Variants in ECRG4 observed in about 807,000 individuals in gnomAD.
ECRG4 encodes ECRG4 augurin precursor.
Under a neutral mutation model 15.8 loss-of-function variants are expected in ECRG4, and 18 were observed. That is an observed-to-expected ratio of 1.14 (90% confidence interval 0.79 to 1.69). The LOEUF is 1.69. Among genes scored for constraint, ECRG4 ranks in the 40% most tolerant of loss-of-function variants. ECRG4 has a pLI of 0.00. For synonymous variants in ECRG4, 82 were observed against 73.9 expected, an observed-to-expected ratio of 1.11 and a Z score of -0.56; for missense variants, 200 against 190.9, an observed-to-expected ratio of 1.05 and a Z score of -0.28.
chr2:106,074,815 G>A (rs1212096418), intron 3 of ECRG4, among the ~76,000 whole-genome samples: 2 of 152,208 alleles, frequency 1.3e-5, no homozygotes, highest in Non-Finnish European at 2.9e-5. Context: ...CAAATGGGCA[G>A]TTGGATGTGT....
chr2:106,072,011 A>C, intron 2 of ECRG4, 120 bp downstream of exon 2: 1 of 782,442 alleles, frequency 1.3e-6, no homozygotes, highest in Admixed American at 2.2e-5. Context: ...ACTCCTTAAA[A>C]GGTTAGCAGA....
At chr2:106,065,390 T>A (rs528534389), upstream of ECRG4, among the ~76,000 whole-genome samples, 6 of 152,258 alleles carry the variant, frequency 3.9e-5, no homozygotes, top group South Asian at 1.0e-3. Flanking sequence ...CTTCTCCCGA[T>A]GCCTTCTGCC....
At chr2:106,076,666 T>C (rs1171351828) in intron 3 of ECRG4, among the ~76,000 whole-genome samples, 1 of 152,192 alleles carries the variant, frequency 6.6e-6, no homozygotes, top group East Asian at 1.9e-4. Context: ...ATTGGCAGTC[T>C]TGTTAAAATA....
intron 3 of ECRG4, among the ~76,000 whole-genome samples, chr2:106,074,843 T>C (rs1676452477): frequency 2.0e-5 from 3 of 152,192 alleles, no homozygotes; most frequent in Non-Finnish European, 4.4e-5. Context: ...AATGGGCACA[T>C]GATTCATTTA....
At chr2:106,070,871 G>GACTC (rs773164871) in intron 1 of ECRG4, 6 of 470,052 alleles carry the variant, frequency 1.3e-5, no homozygotes, top group African/African-American at 1.0e-4. Context: ...CCTGGGGCCT[G>GACTC]ACTCCAGTTC....
intron 1 of ECRG4, 76 bp downstream of exon 1, chr2:106,065,919 G>A (rs983617679): frequency 6.1e-6 from 8 of 1,301,072 alleles, no homozygotes; most frequent in Non-Finnish European, 8.1e-6. Flanking sequence ...TGGTGCCCGG[G>A]GAGAGCGATC....
intron 1 of ECRG4, among the ~76,000 whole-genome samples, chr2:106,069,725 C>T (rs1573360025): frequency 2.0e-5 from 3 of 152,338 alleles, no homozygotes; most frequent in Middle Eastern, 6.8e-3. Context: ...TCTCTGGACA[C>T]TCTCCTTTGA....
rs1410545269 is a variant in ECRG4, at chr2:106,070,882, C to T, written c.80-962C>T. 6.4e-6 allele frequency: 3 copies of T among 470,968 alleles called. No individual in the cohort carries two copies. In the Admixed American group the frequency reaches 7.0e-5, roughly 11 times the overall value. The allele number at this position is 470,968 out of a possible 1,614,324, so 29.2% of individuals were successfully genotyped here. On this transcript the variant is annotated intron_variant, in intron 1 of 3. Coordinates refer to ENST00000238044, the MANE Select transcript of ECRG4 (RefSeq NM_032411.3). ...CCATCCTGGGGCCTGACTCCAGTTC[C>T]TTACACCCGAAGTTGCTCTACTCAC...
chr2:106,071,574 C>G (rs1350281737), intron 1 of ECRG4, among the ~76,000 whole-genome samples: 1 of 152,144 alleles, frequency 6.6e-6, no homozygotes, highest in Non-Finnish European at 1.5e-5. Flanking sequence ...TAGTAAGACA[C>G]AGGGCTAAAA....
intron 2 of ECRG4, 148 bp downstream of exon 2, chr2:106,072,039 G>A (rs1192860904): frequency 6.5e-6 from 4 of 613,578 alleles, no homozygotes. Flanking sequence ...GGCTTATTCT[G>A]TTGGTATGTG....
At chr2:106,076,416 T>C (rs1302650969) in intron 3 of ECRG4, among the ~76,000 whole-genome samples, 6 of 152,134 alleles carry the variant, frequency 3.9e-5, no homozygotes, top group Non-Finnish European at 8.8e-5. Context: ...AAAGCAAAAC[T>C]AGAGATGGAG....
intron 1 of ECRG4, among the ~76,000 whole-genome samples, chr2:106,068,253 A>C (rs1305202637): frequency 6.6e-6 from 1 of 152,156 alleles, no homozygotes; most frequent in East Asian, 1.9e-4. Flanking sequence ...TTGCTGGGAG[A>C]GCTAATGCTA....
intron 1 of ECRG4, chr2:106,071,130 C>T (rs1404963375): frequency 4.8e-6 from 2 of 415,194 alleles, no homozygotes; most frequent in East Asian, 7.1e-5. Context: ...AACTGGGCTG[C>T]ACTTTTAGAG....
At chr2:106,074,591 T>C (rs1384630680) in intron 3 of ECRG4, among the ~76,000 whole-genome samples, 2 of 152,224 alleles carry the variant, frequency 1.3e-5, no homozygotes, top group Admixed American at 1.3e-4. Flanking sequence ...GACGTATTCA[T>C]TGAATGAAAG....
chr2:106,063,945 G>A (rs968593654), upstream of ECRG4, among the ~76,000 whole-genome samples: 12 of 152,108 alleles, frequency 7.9e-5, no homozygotes, highest in African/African-American at 2.7e-4. Flanking sequence ...GGGGTAAGGG[G>A]GATGATCTCC....
At chr2:106,065,893 C>A (rs371001994) in intron 1 of ECRG4, 50 bp downstream of exon 1, 1 of 1,421,906 alleles carries the variant, frequency 7.0e-7, no homozygotes, top group Non-Finnish European at 9.2e-7. Flanking sequence ...GGGGTTGGCC[C>A]CATGTGGCGC....
chr2:106,074,092 C>T (rs1361022280), intron 3 of ECRG4, 49 bp downstream of exon 3: 8 of 1,598,228 alleles, frequency 5.0e-6, no homozygotes, highest in East Asian at 4.5e-5. Flanking sequence ...GGAAGGGTGG[C>T]AGGGAGGAGG....
At chr2:106,068,001 A>AT (rs66604408) in intron 1 of ECRG4, among the ~76,000 whole-genome samples, 135,229 of 146,680 alleles carry the variant, frequency 0.92, 62,599 homozygotes, top group South Asian at 0.97. Flanking sequence ...ACGCCTGGCA[A>AT]TTTTTTTTTT....
At chr2:106,074,701 T>C (rs1676449036) in intron 3 of ECRG4, among the ~76,000 whole-genome samples, 1 of 152,174 alleles carries the variant, frequency 6.6e-6, no homozygotes, top group African/African-American at 2.4e-5. Flanking sequence ...CATCCATCCA[T>C]GGTGACTGAG....
Sources: gnomAD v4.1 joint callset for allele counts (sites outside exome capture counted in the v4.1 genomes callset) on GRCh38, gnomAD v4.1.1 for gene constraint, MANE v1.5 for transcripts, NCBI Gene and HGNC (gene_info 2026-07-23, HGNC 2026-07-21) for gene names.